Variants in STAT6 observed in about 807,000 individuals in gnomAD.
The protein encoded by STAT6 is STAT, interleukin4-induced.
Under a neutral mutation model 106.3 loss-of-function variants are expected in STAT6, and 45 were observed. That is an observed-to-expected ratio of 0.42 (90% confidence interval 0.33 to 0.54). STAT6 has a LOEUF of 0.54. Among genes scored for constraint, STAT6 ranks in the 20% least tolerant of loss-of-function variants. The pLI is 0.06. For missense variants in STAT6, 797 were observed against 1,062.2 expected (o/e 0.75, Z 3.47); for synonymous variants, 413 against 413.6 (o/e 1.00, Z 0.02).
chr12:57,111,350 C>CA lies in STAT6; in HGVS notation c.-244dup, dbSNP rs2034576978. ...TCCCGTCCTCCCTCTTCAGTGTAAG[C>CA]AGTGGCTGCCCCAGCCCGCTGTTTC... On this transcript the variant is annotated 5_prime_UTR_variant, in exon 1 of 22. Transcript: ENST00000300134. The CA allele has an allele frequency of 6.6e-6, 1 of 152,644 alleles. No individual in the cohort carries two copies. Among genetic ancestry groups the CA allele is most frequent in the South Asian group, 2.1e-4 (1 of 4,838 alleles). 9.5% of individuals were successfully genotyped at this position (152,644 alleles called of 1,614,324 possible).
Position 57,106,847 on chromosome 12 carries a change from A to G in STAT6, c.340-16T>C, listed in dbSNP as rs774612759. On this transcript the variant is annotated splice_polypyrimidine_tract_variant and intron_variant, in intron 4 of 21. Coordinates refer to ENST00000300134, the MANE Select transcript of STAT6 (RefSeq NM_003153.5). The stretch of plus-strand genomic sequence containing the variant: ...AGTGGCGGAACTACACAGGAAGGAC[A>G]GATGCCAAGAAGTGAAACACTCTGC... 1.8e-5 allele frequency: 29 copies of G among 1,613,052 alleles called. No individual in the cohort carries two copies. The highest frequency in any genetic ancestry group is 2.2e-5 in the Non-Finnish European group (26 of 1,179,986).
chr12:57,099,008 C>T lies in STAT6; in HGVS notation c.1955+7G>A. Reference sequence around the variant, plus strand: ...GACCTACCCACTGTCCATACCACCACACTCACCTTTCCACGGTCATCTTGA... The same window carrying T: ...GACCTACCCACTGTCCATACCACCATACTCACCTTTCCACGGTCATCTTGA... On this transcript the variant is annotated splice_region_variant and intron_variant, in intron 17 of 21. Coordinates refer to ENST00000300134, the MANE Select transcript of STAT6 (RefSeq NM_003153.5). The surrounding 1 kb of genome is among the most constrained non-coding windows in gnomAD (Gnocchi z 4.7). The T allele has an allele frequency of 6.2e-7, 1 of 1,614,224 alleles. No homozygotes were observed. The highest frequency in any genetic ancestry group is 1.3e-5 in the African/African-American group (1 of 75,042).
In STAT6 at chr12:57,107,287, GCTTC is replaced by G; in HGVS notation, c.279_282del (p.Lys94TrpfsTer47). The G allele has an allele frequency of 6.2e-7, 1 of 1,614,168 alleles. No homozygotes were observed. Among genetic ancestry groups the G allele is most frequent in the Non-Finnish European group, 8.5e-7 (1 of 1,180,022 alleles). On this transcript the variant is annotated frameshift_variant, in exon 4 of 22. Transcript: ENST00000300134. LOFTEE classifies it high-confidence loss of function. ...AGTATTTGTCTGAAAGTGGCCACCA[GCTTC>G]AGGGGGTCCCTCTGATATATGCTCT...
At chr12:57,109,039 A>C (rs551301046) in intron 1 of STAT6, among the ~76,000 whole-genome samples, 1 of 152,112 alleles carries the variant, frequency 6.6e-6, no homozygotes, top group Non-Finnish European at 1.5e-5. Flanking sequence ...TCTACTAAAA[A>C]TACAAAAACA....
intron 11 of STAT6, 154 bp downstream of exon 11, chr12:57,104,310 T>G: frequency 9.1e-7 from 1 of 1,102,170 alleles, no homozygotes; most frequent in Non-Finnish European, 1.3e-6. Context: ...TCCATGCTCT[T>G]GCTCACCCCC....
In STAT6 at chr12:57,099,778, C is replaced by A. The variant is rs778242059; in HGVS notation, c.1733G>T (p.Arg578Leu). 11 of 1,613,604 alleles carry A rather than the reference C, an allele frequency of 6.8e-6. No homozygotes were observed. In the Admixed American group the frequency reaches 1.8e-4, roughly 27 times the overall value. The change falls in exon 15 of 22, where the codon CGG becomes CTG. Residue 578 changes from arginine (R) to leucine (L), a missense_variant. By Grantham distance (102) the Arg-to-Leu change is moderately radical. Around this residue, in one of 4 missense-constraint regions of STAT6, gnomAD observed 222 missense variants for 354.6 expected, o/e 0.63. Transcript: ENST00000300134. This position sits in a 1 kb window ranked among gnomAD's most constrained non-coding sequence, Gnocchi z 4.7. ...TGGGGTGGCCTCACCATCCTGGCCC[C>A]GGATGACATGGGCAATGGTGATGCC... ...IGGITIAHVIRGQDGSPQIEN... is the reference protein window; with the variant it reads ...IGGITIAHVILGQDGSPQIEN...
rs1297787882 is a variant in STAT6 at position 57,102,591 on chromosome 12, C to G, written c.1306-95G>C. ...CCTCCCACCTGCCTGTGGCCTACCC[C>G]TCCACAGCCCCTGATATCGCTCACA... On this transcript the variant is annotated intron_variant, in intron 12 of 21. Transcript: ENST00000300134. 5 of 1,286,912 alleles carry G rather than the reference C, an allele frequency of 3.9e-6. No individual in the cohort carries two copies. In the East Asian group the frequency reaches 1.2e-4, roughly 32 times the overall value. The allele number at this position is 1,286,912 out of a possible 1,614,324, so 79.7% of individuals were successfully genotyped here. A position where few individuals can be genotyped will look rare whatever the true frequency, so the allele number is the denominator to read the frequency against.
In STAT6 at chr12:57,099,645, A is replaced by G; in HGVS notation, c.1744+122T>C. The G allele has an allele frequency of 6.8e-7, 1 of 1,459,946 alleles. No individual in the cohort carries two copies. The allele number at this position is 1,459,946 out of a possible 1,614,324, so 90.4% of individuals were successfully genotyped here. On this transcript the variant is annotated intron_variant, in intron 15 of 21. Coordinates refer to ENST00000300134, the MANE Select transcript of STAT6 (RefSeq NM_003153.5). The surrounding 1 kb of genome is among the most constrained non-coding windows in gnomAD (Gnocchi z 4.7). ...ACATTTAGACCACAGAAGGAAGAAG[A>G]GAAGCTGGAAGAACTTCCTGAAGAT...
At chr12:57,106,904 C>A in intron 4 of STAT6, 73 bp from the exon 5 acceptor site, 1 of 1,588,284 alleles carries the variant, frequency 6.3e-7, no homozygotes, top group Non-Finnish European at 8.5e-7. Context: ...CCACTCTCTG[C>A]TCTGCAGATA....
At chr12:57,097,448 A>T (rs1445841204) in intron 19 of STAT6, among the ~76,000 whole-genome samples, 1 of 152,216 alleles carries the variant, frequency 6.6e-6, no homozygotes, top group East Asian at 1.9e-4. Flanking sequence ...TAAGCACCCG[A>T]GTGTCATACT....
chr12:57,100,261 G>A (rs898037560), intron 13 of STAT6, among the ~76,000 whole-genome samples, 171 bp from the exon 14 acceptor site: 1 of 152,196 alleles, frequency 6.6e-6, no homozygotes, highest in Non-Finnish European at 1.5e-5. Flanking sequence ...ACACGTGCCA[G>A]CCACTATTTC....
At chr12:57,100,884 G>A (rs1415132455) in intron 13 of STAT6, 2 of 455,728 alleles carry the variant, frequency 4.4e-6, no homozygotes, top group Non-Finnish European at 8.8e-6. Flanking sequence ...AACCCTCTGA[G>A]CATCAGATTC....
rs116046188 is a variant in STAT6, at chr12:57,095,436, A to T, written c.*1136T>A. 1 of 152,690 alleles carries T rather than the reference A, an allele frequency of 6.5e-6. No individual in the cohort carries two copies. Among genetic ancestry groups the T allele is most frequent in the Non-Finnish European group, 1.5e-5 (1 of 68,024 alleles). The allele number at this position is 152,690 out of a possible 1,614,324, so 9.5% of individuals were successfully genotyped here. On this transcript the variant is annotated 3_prime_UTR_variant, in exon 22 of 22. Transcript: ENST00000300134. Reference sequence around the variant, plus strand: ...TCAGATTGTGTACAGTAGATTATTTATTTTGTTATTTTGGAATAAAATTTA... The same window carrying T: ...TCAGATTGTGTACAGTAGATTATTTTTTTTGTTATTTTGGAATAAAATTTA...
chr12:57,109,022 C>T (rs2034439370), intron 1 of STAT6, among the ~76,000 whole-genome samples: 1 of 152,082 alleles, frequency 6.6e-6, no homozygotes, highest in Admixed American at 6.6e-5. Flanking sequence ...CACAGTGAAA[C>T]CCCATCTCTA....
At chr12:57,100,712 A>AGAGAGAG (rs2033849076) in intron 13 of STAT6, 1 of 60,014 alleles carries the variant, frequency 1.7e-5, no homozygotes, top group African/African-American at 7.1e-5. Flanking sequence ...GAAAGAAAGA[A>AGAGAGAG]AGAAAGAAAG....
chr12:57,107,558 T>C (rs1212393402), intron 3 of STAT6, 47 bp downstream of exon 3: 6 of 1,599,750 alleles, frequency 3.8e-6, no homozygotes, highest in Non-Finnish European at 5.1e-6. Context: ...CTCAACCCAG[T>C]TCAACCTCAG....
intron 4 of STAT6, 67 bp from the exon 5 acceptor site, chr12:57,106,898 T>A (rs925994347): frequency 1.3e-6 from 2 of 1,597,898 alleles, no homozygotes; most frequent in African/African-American, 2.7e-5. Context: ...TGGCCTCCAC[T>A]CTCTGCTCTG....
rs750562780 is a variant in STAT6 at position 57,104,729 on chromosome 12, G to T, written c.1086C>A (p.Asn362Lys). The change falls in exon 10 of 22, where the codon AAC becomes AAA. Residue 362 changes from asparagine to lysine, a missense_variant. Around this residue, in one of 4 missense-constraint regions of STAT6, gnomAD observed 13 missense variants for 41.1 expected, o/e 0.32. Coordinates refer to ENST00000300134, the MANE Select transcript of STAT6 (RefSeq NM_003153.5). ...PGNCCSALFK[N>K]LLLKKIKRCE... Reference sequence around the variant, plus strand: ...ACTGCACCCCAAAGCCCCTCACCAGGTTCTTGAACAGGGCAGAGCAGCAGT... The same window carrying T: ...ACTGCACCCCAAAGCCCCTCACCAGTTTCTTGAACAGGGCAGAGCAGCAGT... 2.5e-6 allele frequency: 4 copies of T among 1,614,122 alleles called. No homozygotes were observed. In the South Asian group the frequency reaches 4.4e-5, roughly 18 times the overall value.
intron 6 of STAT6, 68 bp from the exon 7 acceptor site, chr12:57,106,407 T>G (rs1015221268): frequency 6.2e-7 from 1 of 1,608,832 alleles, no homozygotes; most frequent in African/African-American, 1.3e-5. Flanking sequence ...GGGATACGGC[T>G]CTTTTTCTCA....
Sources: allele counts gnomAD v4.1 joint callset (sites outside exome capture counted in the v4.1 genomes callset), GRCh38; gene constraint gnomAD v4.1.1; regional missense constraint gnomAD v4.1.1; non-coding constraint Gnocchi (gnomAD v3.1); transcripts MANE v1.5; gene names NCBI Gene and HGNC (gene_info 2026-07-23, HGNC 2026-07-21).